KDM5D: variants seen among roughly 807,000 people sequenced by gnomAD.
KDM5D encodes lysine demethylase 5D.
A neutral mutation model predicts 31.9 loss-of-function variants in KDM5D; 25 were observed. That is an observed-to-expected ratio of 0.78 (90% CI 0.57 to 1.09). The LOEUF (loss-of-function observed/expected upper bound fraction) is 1.09. Among genes scored for constraint, KDM5D ranks in the 50% least tolerant of loss-of-function variants. The pLI, the probability that KDM5D is intolerant of heterozygous loss-of-function variation, is 0.00. For synonymous variants in KDM5D, 146 were observed against 122.3 expected (o/e 1.19, Z -1.28); for missense variants, 366 against 341.6 (o/e 1.07, Z -0.56).
chrY:19,741,443 G>A lies in KDM5D; in HGVS notation c.397C>T (p.Arg133Trp). ...GGYEAICKDR[R>W]WARVAQRLHY... ...AGACGCTGGGCAACTCGAGCCCACC[G>A]ACGATCCTTGCAGATGGCTTCATAG... Residue 133 changes from arginine (R) to tryptophan (W), a missense_variant, in exon 5 of 27, where the codon CGG becomes TGG. Physicochemically the swap from Arg to Trp is moderately radical, Grantham distance 101 (BLOSUM62 -3). Transcript: ENST00000317961. 4 of 396,148 alleles carry A rather than the reference G, an allele frequency of 1.0e-5. No homozygotes were observed. The highest frequency in any genetic ancestry group is 3.0e-5 in the South Asian group (1 of 33,606).
At chrY:19,717,226 T>C in intron 13 of KDM5D, among the ~76,000 whole-genome samples, 1 of 33,873 alleles carries the variant, frequency 3.0e-5, no homozygotes, top group South Asian at 6.8e-4. Context: ...CCAATTCCTA[T>C]GTAAGCAGCT....
chrY:19,741,474 T>C lies in KDM5D; in HGVS notation c.366A>G (p.Glu122=). 5.1e-6 allele frequency: 2 copies of C among 392,525 alleles called. No individual in the cohort carries two copies. Among genetic ancestry groups the C allele is most frequent in the Non-Finnish European group, 7.2e-6 (2 of 278,317 alleles). ...LYSLSKIVIE[E]GGYEAICKDR... The stretch of plus-strand genomic sequence containing the variant: ...CCTTGCAGATGGCTTCATAGCCACC[T>C]TCCTCAATCACAATCTGAAAGTATA... The change falls in exon 5 of 27, where the codon GAA becomes GAG. Residue 122 remains glutamate (E), a synonymous_variant. Coordinates refer to ENST00000317961, the MANE Select transcript of KDM5D (RefSeq NM_004653.5).
At chrY:19,725,161 T>C in intron 11 of KDM5D, among the ~76,000 whole-genome samples, 1 of 33,355 alleles carries the variant, frequency 3.0e-5, no homozygotes. Flanking sequence ...TTCAATGCTA[T>C]ACCCATCAAG....
chrY:19,721,481 C>T, intron 11 of KDM5D, 170 bp from the exon 12 acceptor site: 1 of 145,715 alleles, frequency 6.9e-6, no homozygotes, highest in Non-Finnish European at 1.3e-5. Flanking sequence ...CCCTGTTTTG[C>T]CACTGTCAAC....
At chrY:19,714,281 A>C (rs2045318930) in intron 18 of KDM5D, among the ~76,000 whole-genome samples, 2 of 33,394 alleles carry the variant, frequency 6.0e-5, no homozygotes, top group African/African-American at 2.4e-4. Context: ...GTACCTATAT[A>C]ACAAACCTGC....
intron 21 of KDM5D, among the ~76,000 whole-genome samples, 185 bp downstream of exon 21, chrY:19,708,690 A>G (rs2045268946): frequency 3.0e-5 from 1 of 33,684 alleles, no homozygotes; most frequent in Non-Finnish European, 7.3e-5. Context: ...CTGCTTAGGT[A>G]TACACCCATA....
Position 19,744,425 on chromosome Y carries a change from A to T in KDM5D, c.110T>A (p.Ile37Lys). 2.5e-6 allele frequency: 1 copy of T among 392,710 alleles called. No individual in the cohort carries two copies. Among genetic ancestry groups the T allele is most frequent in the South Asian group, 3.1e-5 (1 of 32,782 alleles). Residue 37 changes from isoleucine (I) to lysine (K), a missense_variant, in exon 2 of 27, where the codon ATA becomes AAA. Physicochemically the swap from Ile to Lys is moderately radical, Grantham distance 102. Transcript: ENST00000317961. ...PLGYIAKIRP[I>K]AEKSGICKIR... ...TTTGCAGATGCCAGACTTCTCTGCT[A>T]TGGGCCTTATTTTCGCAATGTAGCC... is the stretch of plus-strand genomic sequence containing the variant.
At chrY:19,726,744 A>G in intron 11 of KDM5D, among the ~76,000 whole-genome samples, 1 of 33,259 alleles carries the variant, frequency 3.0e-5, no homozygotes, top group Non-Finnish European at 7.4e-5. Flanking sequence ...TAATAGGAGA[A>G]TTTTTGGTCA....
chrY:19,706,827 T>C lies in KDM5D; in HGVS notation c.4036A>G (p.Ser1346Gly). The C allele has an allele frequency of 2.5e-6, 1 of 395,723 alleles. No homozygotes were observed. Among genetic ancestry groups the C allele is most frequent in the Admixed American group, 7.6e-5 (1 of 13,232 alleles). Reference sequence around the variant, plus strand: ...TTTCCTGGAGCCATGTTCTCAGGACTGGTCACACTGTCTCCATTCTCCAGC... The same window carrying C: ...TTTCCTGGAGCCATGTTCTCAGGACCGGTCACACTGTCTCCATTCTCCAGC... ...GLLENGDSVT[S>G]PENMAPGKGS... Residue 1346 changes from serine to glycine, a missense_variant, in exon 25 of 27, where the codon AGT becomes GGT. Physicochemically the swap from Ser to Gly is moderately conservative, Grantham distance 56. Transcript: ENST00000317961.
chrY:19,715,441 A>G lies in KDM5D; in HGVS notation c.2397T>C (p.Ser799=), dbSNP rs773311438. ...AGTTCTTCAGTCGCTGAAGCAGCTC[A>G]CTATTAGGAAACCTCCTCTCACGAG... ...SEARERRFPN[S]ELLQRLKNCL... The change falls in exon 18 of 27, where the codon AGT becomes AGC. Residue 799 remains serine, a synonymous_variant. Coordinates refer to ENST00000317961, the MANE Select transcript of KDM5D (RefSeq NM_004653.5). The G allele has an allele frequency of 2.5e-6, 1 of 397,857 alleles. No individual in the cohort carries two copies. Among genetic ancestry groups the G allele is most frequent in the Non-Finnish European group, 3.5e-6 (1 of 282,837 alleles).
intron 8 of KDM5D, among the ~76,000 whole-genome samples, chrY:19,733,287 C>T (rs2124210573): frequency 3.1e-5 from 1 of 32,119 alleles, no homozygotes; most frequent in Non-Finnish European, 7.6e-5. Flanking sequence ...AAAAAGAAAA[C>T]GCAGTGGTAA....
chrY:19,718,229 G>A, intron 13 of KDM5D, among the ~76,000 whole-genome samples: 1 of 34,211 alleles, frequency 2.9e-5, no homozygotes, highest in Non-Finnish European at 7.3e-5. Flanking sequence ...CCAAAACTCT[G>A]AAAGGAAGAA....
intron 6 of KDM5D, among the ~76,000 whole-genome samples, chrY:19,738,223 T>C: frequency 3.0e-5 from 1 of 33,771 alleles, no homozygotes; most frequent in Non-Finnish European, 7.3e-5. Context: ...TTTAGACCTT[T>C]TACTGGTATT....
chrY:19,720,465 C>T (rs2045383907), intron 13 of KDM5D, among the ~76,000 whole-genome samples: 1 of 33,370 alleles, frequency 3.0e-5, no homozygotes, highest in African/African-American at 1.2e-4. Flanking sequence ...ATACACATTG[C>T]TAGCTTATTC....
intron 2 of KDM5D, 84 bp from the exon 3 acceptor site, chrY:19,743,323 TTTA>T: frequency 5.6e-6 from 1 of 178,765 alleles, no homozygotes; most frequent in Non-Finnish European, 9.9e-6. Context: ...TTCCCACTCT[TTTA>T]AAGTCTTCTG....
In KDM5D at chrY:19,706,274, C is replaced by A; in HGVS notation, c.4341G>T (p.Lys1447Asn). The change falls in exon 27 of 27, where the codon AAG becomes AAT. Residue 1447 changes from lysine (K) to asparagine (N), a missense_variant. Lys to Asn is a moderately conservative substitution (Grantham distance 94). Transcript: ENST00000317961. ...TCTCAACGTTTCTACCCTGATCCAC[C>A]TTCTGCCGCCGCCGTCGCCTCTCCA... ...RALERRRRRQ[K>N]VDQGRNVENL... The A allele has an allele frequency of 2.5e-6, 1 of 396,302 alleles. No homozygotes were observed.
intron 11 of KDM5D, among the ~76,000 whole-genome samples, chrY:19,727,448 G>A (rs751327799): frequency 6.0e-5 from 2 of 33,301 alleles, no homozygotes; most frequent in South Asian, 6.6e-4. Context: ...ATTTTTTATC[G>A]TCTTAAGGGA....
chrY:19,712,000 ATCTT>A (rs2045301411), intron 18 of KDM5D, among the ~76,000 whole-genome samples: 1 of 33,801 alleles, frequency 3.0e-5, no homozygotes, highest in African/African-American at 1.2e-4. Flanking sequence ...CCACTTCAAA[ATCTT>A]TCTATGTTTT....
At chrY:19,724,211 G>A in intron 11 of KDM5D, among the ~76,000 whole-genome samples, 1 of 32,812 alleles carries the variant, frequency 3.0e-5, no homozygotes, top group African/African-American at 1.2e-4. Flanking sequence ...TTTGGAGGGT[G>A]GGGGGAGAGA....
Sources: allele counts gnomAD v4.1 joint callset (sites outside exome capture counted in the v4.1 genomes callset), GRCh38; gene constraint gnomAD v4.1.1; transcripts MANE v1.5; gene names NCBI Gene and HGNC (gene_info 2026-07-23, HGNC 2026-07-21).